Variants in DIP2C observed in about 807,000 individuals in gnomAD.
DIP2C encodes disco-interacting protein 2 homolog C.
Under a neutral mutation model 192.4 loss-of-function variants are expected in DIP2C, and 33 were observed. That is an observed-to-expected ratio of 0.17 (90% confidence interval 0.13 to 0.23). DIP2C has a LOEUF of 0.23. Ranked by LOEUF, DIP2C falls within the 10% of genes least tolerant of loss-of-function variation. DIP2C has a pLI of 1.00. For synonymous variants in DIP2C, 979 were observed against 864.1 expected (o/e 1.13, Z -2.33); for missense variants, 1,537 against 2,110.1 (o/e 0.73, Z 5.32).
Position 363,638 on chromosome 10 carries a change from C to T in DIP2C, c.2478-327G>A, listed in dbSNP as rs1381278925. Among the ~76,000 whole-genome samples, 1 of 152,328 alleles carries T rather than the reference C, an allele frequency of 6.6e-6. No homozygotes were observed. Among genetic ancestry groups the T allele is most frequent in the East Asian group, 1.9e-4 (1 of 5,180 alleles). On this transcript the variant is annotated intron_variant, in intron 20 of 36. Coordinates refer to ENST00000280886, the MANE Select transcript of DIP2C (RefSeq NM_014974.3). This position sits in a 1 kb window ranked among gnomAD's most constrained non-coding sequence, Gnocchi z 5.4. ...ACCTGCTGAAATTTAGGGAGTCACA[C>T]CCTTCACAGCTCGAGTTTGCACCCG...
intron 1 of DIP2C, among the ~76,000 whole-genome samples, chr10:575,541 G>A (rs530521397): frequency 1.8e-4 from 27 of 152,304 alleles, no homozygotes; most frequent in African/African-American, 5.1e-4. Context: ...TGTTGAAGTC[G>A]CAAAGGGGCT....
At chr10:434,788 A>G (rs1397380147) in intron 4 of DIP2C, among the ~76,000 whole-genome samples, 1 of 152,114 alleles carries the variant, frequency 6.6e-6, no homozygotes, top group African/African-American at 2.4e-5. Context: ...TAGTTTAAAT[A>G]TTTCACTCTA....
intron 31 of DIP2C, among the ~76,000 whole-genome samples, chr10:325,905 G>A (rs1171519522): frequency 6.6e-6 from 1 of 152,076 alleles, no homozygotes; most frequent in Non-Finnish European, 1.5e-5. Flanking sequence ...AAAAAGGCCG[G>A]GTGCAGTGGC....
chr10:650,928 AC>A lies in DIP2C; in HGVS notation c.85+38565del, dbSNP rs199557839. 1.7e-3 allele frequency: 1,228 copies of A among 714,604 alleles called. 18 individuals are homozygous for A. The East Asian group carries it at 0.03, about 17-fold the overall frequency. 44.3% of individuals were successfully genotyped at this position (714,604 alleles called of 1,614,324 possible). On this transcript the variant is annotated intron_variant, in intron 1 of 36. Transcript: ENST00000280886. ...GAAGCTGAGGGTGTGTCCATGCAGG[AC>A]CCCGAGGCTACACAGCTCTGGCTGT...
chr10:342,610 G>C (rs1254951375), intron 28 of DIP2C, among the ~76,000 whole-genome samples: 2 of 152,336 alleles, frequency 1.3e-5, no homozygotes, highest in East Asian at 3.9e-4. Flanking sequence ...GACCTGCTGG[G>C]TGGCTCAGCT....
At chr10:640,686 C>T (rs1855130097) in intron 1 of DIP2C, among the ~76,000 whole-genome samples, 1 of 146,814 alleles carries the variant, frequency 6.8e-6, no homozygotes, top group African/African-American at 2.6e-5. Flanking sequence ...AGGGTGCGCG[C>T]GGGGAAGAGG....
chr10:429,672 A>T (rs1966834862), intron 4 of DIP2C, among the ~76,000 whole-genome samples: 1 of 151,572 alleles, frequency 6.6e-6, no homozygotes, highest in Non-Finnish European at 1.5e-5. Context: ...GCTAAGTGAA[A>T]GAAGTCAATT....
chr10:584,023 T>C (rs1850824011), intron 1 of DIP2C, among the ~76,000 whole-genome samples: 1 of 152,180 alleles, frequency 6.6e-6, no homozygotes, highest in Non-Finnish European at 1.5e-5. Context: ...CACTGACCTC[T>C]GTCCCTTGGT....
At chr10:582,237 C>T (rs945418223) in intron 1 of DIP2C, among the ~76,000 whole-genome samples, 3 of 152,214 alleles carry the variant, frequency 2.0e-5, no homozygotes, top group Admixed American at 6.5e-5. Context: ...CCAGCACCCA[C>T]ACCAGCCCAG....
intron 17 of DIP2C, among the ~76,000 whole-genome samples, chr10:380,296 C>CGT (rs1962240415): frequency 8.0e-6 from 1 of 125,052 alleles, no homozygotes. Context: ...ATGGTTAACA[C>CGT]GCAGAAGAGG....
At chr10:399,253 G>C (rs756743033) in intron 9 of DIP2C, 34 bp from the exon 10 acceptor site, 9 of 1,577,442 alleles carry the variant, frequency 5.7e-6, no homozygotes, top group South Asian at 1.1e-5. Context: ...CAGCATTAAC[G>C]TGGGGTCCTG....
rs556552130 is a variant in DIP2C at position 363,885 on chromosome 10, T to G, written c.2477+489A>C. On this transcript the variant is annotated intron_variant, in intron 20 of 36. Transcript: ENST00000280886. The surrounding 1 kb of genome is among the most constrained non-coding windows in gnomAD (Gnocchi z 5.4). ...AAAAGGCTCTAAAACACTTTATGAC[T>G]TCCTCCAGATTGGCAAAAACTCAGG... 6.6e-6 allele frequency among the ~76,000 whole-genome samples: 1 copy of G among 152,294 alleles called. No individual in the cohort carries two copies. Among genetic ancestry groups the G allele is most frequent in the East Asian group, 1.9e-4 (1 of 5,186 alleles).
intron 1 of DIP2C, among the ~76,000 whole-genome samples, chr10:609,849 C>T (rs1238375972): frequency 6.6e-6 from 1 of 152,132 alleles, no homozygotes; most frequent in Non-Finnish European, 1.5e-5. Context: ...TCAGTGCAGC[C>T]GGGTACCAAT....
chr10:449,829 T>C lies in DIP2C; in HGVS notation c.269-8833A>G, dbSNP rs538363873. 2.8e-5 allele frequency among the ~76,000 whole-genome samples: 4 copies of C among 143,122 alleles called. No homozygotes were observed. In the South Asian group the frequency reaches 6.7e-4, roughly 24 times the overall value. The allele number at this position is 143,122 out of a possible 152,430, so 93.9% of individuals were successfully genotyped here. On this transcript the variant is annotated intron_variant, in intron 3 of 36. Transcript: ENST00000280886. ...AAACACATTCAGTTACCTAATTCCA[T>C]GAAGAAAATATTAATAAACTATTAA... is the stretch of plus-strand genomic sequence containing the variant.
intron 2 of DIP2C, chr10:485,044 G>T: frequency 1.4e-6 from 2 of 1,417,698 alleles, no homozygotes; most frequent in East Asian, 2.5e-5. Context: ...ATGCAGGACA[G>T]CACACAGACC....
chr10:294,921 G>T (rs1340921917), intron 32 of DIP2C, among the ~76,000 whole-genome samples: 1 of 151,468 alleles, frequency 6.6e-6, no homozygotes, highest in African/African-American at 2.4e-5. Context: ...ACCAGACAGG[G>T]GATTAATATT....
At chr10:535,291 G>A (rs1039284822) in intron 1 of DIP2C, among the ~76,000 whole-genome samples, 5 of 151,936 alleles carry the variant, frequency 3.3e-5, no homozygotes, top group Admixed American at 1.3e-4. Flanking sequence ...GGGGTGGGGA[G>A]AGGAGACAAG....
At chr10:489,470 A>G (rs912011585) in intron 1 of DIP2C, among the ~76,000 whole-genome samples, 3 of 152,274 alleles carry the variant, frequency 2.0e-5, no homozygotes, top group Admixed American at 6.5e-5. Context: ...CTGGCTGACT[A>G]CACAGTATCC....
intron 1 of DIP2C, among the ~76,000 whole-genome samples, chr10:524,515 C>T (rs1335949254): frequency 6.6e-6 from 1 of 152,034 alleles, no homozygotes; most frequent in African/African-American, 2.4e-5. Flanking sequence ...TGTATATGTG[C>T]AAATGTATAA....
Sources: allele counts gnomAD v4.1 joint callset (sites outside exome capture counted in the v4.1 genomes callset), GRCh38; gene constraint gnomAD v4.1.1; non-coding constraint Gnocchi (gnomAD v3.1); transcripts MANE v1.5; gene names NCBI Gene and HGNC (gene_info 2026-07-23, HGNC 2026-07-21).